The following HLCS variants were observed in gnomAD, a reference collection of about 807,000 sequenced individuals.
HLCS encodes holocarboxylase synthetase.
In HLCS, 53 loss-of-function variants were observed where a neutral mutation model predicts 75.0. That is an observed-to-expected ratio of 0.71 (90% confidence interval 0.57 to 0.89). HLCS has a LOEUF of 0.89. Among genes scored for constraint, HLCS ranks in the 40% least tolerant of loss-of-function variants. HLCS has a pLI of 0.00. For synonymous variants in HLCS, 431 were observed against 428.6 expected, an observed-to-expected ratio of 1.01 and a Z score of -0.07; for missense variants, 966 against 1,074.0, an observed-to-expected ratio of 0.90 and a Z score of 1.41.
At chr21:36,950,397 G>A (rs138036992) in intron 2 of HLCS, among the ~76,000 whole-genome samples, 1 of 152,168 alleles carries the variant, frequency 6.6e-6, no homozygotes, top group Non-Finnish European at 1.5e-5. Flanking sequence ...GAACATACGT[G>A]CATTGAACAT....
chr21:36,980,204 A>G (rs1486767373), intron 1 of HLCS, among the ~76,000 whole-genome samples: 2 of 151,520 alleles, frequency 1.3e-5, no homozygotes, highest in Non-Finnish European at 2.9e-5. Context: ...TTTAAAAAAA[A>G]AAAAAATAGG....
intron 6 of HLCS, among the ~76,000 whole-genome samples, chr21:36,856,911 C>A (rs2063215211): frequency 6.6e-6 from 1 of 152,154 alleles, no homozygotes; most frequent in Non-Finnish European, 1.5e-5. Flanking sequence ...AAGGTAATTT[C>A]TCCAGGCAGC....
rs142627828 is a variant in HLCS at position 36,948,926 on chromosome 21, C to G, written c.331-9932G>C. Among the ~76,000 whole-genome samples the G allele has an allele frequency of 3.3e-5, 5 of 152,104 alleles. No homozygotes were observed. The East Asian group carries it at 9.7e-4, about 29-fold the overall frequency. On this transcript the variant is annotated intron_variant, in intron 2 of 10. Coordinates refer to ENST00000674895, the MANE Select transcript of HLCS (RefSeq NM_001352514.2). ...AGATGCTCAGGGAAAGGGCAGGTCT[C>G]GCTGAATAACTGAGAAAATAATACA... is the stretch of plus-strand genomic sequence containing the variant.
At chr21:36,843,861 A>C (rs938407036) in intron 6 of HLCS, among the ~76,000 whole-genome samples, 1 of 152,048 alleles carries the variant, frequency 6.6e-6, no homozygotes, top group African/African-American at 2.4e-5. Flanking sequence ...CTAAAAAATT[A>C]CCTGGGTTTG....
At chr21:36,806,688 T>C (rs932045494) in intron 6 of HLCS, among the ~76,000 whole-genome samples, 12 of 151,870 alleles carry the variant, frequency 7.9e-5, no homozygotes, top group African/African-American at 2.4e-4. Flanking sequence ...TGGGACGAGG[T>C]AGGGGAAGTC....
chr21:36,861,319 G>A (rs545814455), intron 6 of HLCS, among the ~76,000 whole-genome samples: 2 of 152,262 alleles, frequency 1.3e-5, no homozygotes, highest in African/African-American at 2.4e-5. Context: ...TATGTGGTCC[G>A]TCAAGCTCTC....
intron 5 of HLCS, among the ~76,000 whole-genome samples, chr21:36,898,388 G>A (rs897095096): frequency 4.5e-5 from 6 of 133,136 alleles, no homozygotes; most frequent in African/African-American, 1.8e-4. Flanking sequence ...AGAGGCTGCA[G>A]TGAGCCAAGA....
chr21:36,942,398 CAAAAAAAAAAAAA>C (rs55999516), intron 2 of HLCS, among the ~76,000 whole-genome samples: 9 of 80,928 alleles, frequency 1.1e-4, no homozygotes, highest in Admixed American at 1.3e-4. Context: ...GACTCCGTCT[CAAAAAAAAAAAAA>C]AAAAAAAAAA....
At chr21:36,789,413 A>C (rs2060792103) in intron 6 of HLCS, among the ~76,000 whole-genome samples, 1 of 152,264 alleles carries the variant, frequency 6.6e-6, no homozygotes, top group Admixed American at 6.5e-5. Flanking sequence ...AAATACATTT[A>C]ATTAACTAAA....
At chr21:36,776,702 C>T (rs1308399997) in intron 6 of HLCS, among the ~76,000 whole-genome samples, 3 of 152,106 alleles carry the variant, frequency 2.0e-5, no homozygotes, top group South Asian at 2.1e-4. Flanking sequence ...CGTGAGCCAC[C>T]GCACCCGGCT....
chr21:36,903,272 G>A (rs920314694), intron 5 of HLCS, among the ~76,000 whole-genome samples: 5 of 152,152 alleles, frequency 3.3e-5, no homozygotes, highest in African/African-American at 1.2e-4. Context: ...ATTGGAAGAA[G>A]AAGAAGAAAT....
At chr21:36,981,432 A>T (rs1209186590) in intron 1 of HLCS, among the ~76,000 whole-genome samples, 1 of 116,556 alleles carries the variant, frequency 8.6e-6, no homozygotes, top group African/African-American at 3.5e-5. Flanking sequence ...ACGGAGTCTC[A>T]CTCTGTCACC....
At chr21:36,795,636 A>G (rs1601288221) in intron 6 of HLCS, among the ~76,000 whole-genome samples, 1 of 152,366 alleles carries the variant, frequency 6.6e-6, no homozygotes, top group East Asian at 1.9e-4. Flanking sequence ...CCTGAGAGAC[A>G]GATGTCTGAA....
chr21:36,947,052 G>A (rs905254608), intron 2 of HLCS, among the ~76,000 whole-genome samples: 10 of 152,146 alleles, frequency 6.6e-5, no homozygotes, highest in African/African-American at 2.2e-4. Flanking sequence ...ACCTCCCGCG[G>A]GAAGCTAAAG....
rs78771762 is a variant in HLCS at position 36,866,660 on chromosome 21, G to A, written c.1892+30200C>T. 4.3e-3 allele frequency among the ~76,000 whole-genome samples: 658 copies of A among 152,292 alleles called. 7 individuals are homozygous for A. The highest frequency in any genetic ancestry group is 0.015 in the African/African-American group (629 of 41,554). On this transcript the variant is annotated intron_variant, in intron 6 of 10. Transcript: ENST00000674895. ...TCATAAAGTCCTCAAAAGCAATCTT[G>A]CTCCATGTCAGCTGGTGCTAAATCA...
intron 8 of HLCS, among the ~76,000 whole-genome samples, chr21:36,760,386 G>A (rs375313063): frequency 2.0e-5 from 3 of 152,180 alleles, no homozygotes; most frequent in Admixed American, 6.5e-5. Flanking sequence ...TGAGGCGGGC[G>A]GATCACAAGG....
chr21:36,873,338 G>A (rs899328769), intron 6 of HLCS, among the ~76,000 whole-genome samples: 1 of 151,910 alleles, frequency 6.6e-6, no homozygotes, highest in Non-Finnish European at 1.5e-5. Context: ...GGATGGTCTC[G>A]ATCTCTTGAC....
At chr21:36,847,993 G>A (rs149977627) in intron 6 of HLCS, among the ~76,000 whole-genome samples, 709 of 152,252 alleles carry the variant, frequency 4.7e-3, no homozygotes, top group Non-Finnish European at 7.4e-3. Context: ...CTGTGCAACA[G>A]TTAATCAAAC....
At chr21:36,949,610 C>T (rs1235481210) in intron 2 of HLCS, among the ~76,000 whole-genome samples, 1 of 152,216 alleles carries the variant, frequency 6.6e-6, no homozygotes, top group African/African-American at 2.4e-5. Flanking sequence ...AGTGACTCCA[C>T]CTCTCAATAG....
Sources: allele counts gnomAD v4.1 joint callset (sites outside exome capture counted in the v4.1 genomes callset), GRCh38; gene constraint gnomAD v4.1.1; transcripts MANE v1.5; gene names NCBI Gene and HGNC (gene_info 2026-07-23, HGNC 2026-07-21).